The following HCRTR2 variants were observed in gnomAD, a reference collection of about 807,000 sequenced individuals.
The protein encoded by HCRTR2 is orexin receptor type 2.
A neutral mutation model predicts 49.0 loss-of-function variants in HCRTR2; 22 were observed. That is an observed-to-expected ratio of 0.45 (90% CI 0.32 to 0.64). HCRTR2 has a LOEUF of 0.64. Ranked by LOEUF, HCRTR2 falls within the 30% of genes least tolerant of loss-of-function variation. The pLI, the probability that HCRTR2 is intolerant of heterozygous loss-of-function variation, is 0.04. For synonymous variants in HCRTR2, 236 were observed against 205.3 expected, an observed-to-expected ratio of 1.15 and a Z score of -1.28; for missense variants, 491 against 559.4, an observed-to-expected ratio of 0.88 and a Z score of 1.23.
At chr6:55,160,541 A>C (rs1764791264) in intron 1 of HCRTR2, among the ~76,000 whole-genome samples, 2 of 152,212 alleles carry the variant, frequency 1.3e-5, no homozygotes, top group Admixed American at 1.3e-4. Context: ...ACAGACTGGC[A>C]AATTGGATAG....
At chr6:55,210,737 G>A (rs1010891978) in intron 1 of HCRTR2, among the ~76,000 whole-genome samples, 6 of 152,074 alleles carry the variant, frequency 3.9e-5, no homozygotes, top group African/African-American at 1.2e-4. Flanking sequence ...GCATCCTTAC[G>A]ACAAATTTCT....
At chr6:55,130,033 T>A (rs2127245405) in intron 1 of HCRTR2, among the ~76,000 whole-genome samples, 1 of 152,116 alleles carries the variant, frequency 6.6e-6, no homozygotes, top group African/African-American at 2.4e-5. Context: ...CTACTAATGT[T>A]TCAAACTCAT....
chr6:55,167,903 C>T (rs1281918675), intron 1 of HCRTR2, among the ~76,000 whole-genome samples: 1 of 152,100 alleles, frequency 6.6e-6, no homozygotes, highest in African/African-American at 2.4e-5. Context: ...AAATAGCACA[C>T]CCTACATAGA....
chr6:55,246,603 G>C (rs1028468976), intron 1 of HCRTR2, among the ~76,000 whole-genome samples: 6 of 151,990 alleles, frequency 3.9e-5, no homozygotes, highest in African/African-American at 1.4e-4. Context: ...TTCATTTTCT[G>C]CTTCAATCAA....
intron 2 of HCRTR2, among the ~76,000 whole-genome samples, chr6:55,253,162 A>C (rs1766585676): frequency 1.3e-5 from 2 of 151,818 alleles, no homozygotes; most frequent in African/African-American, 4.8e-5. Flanking sequence ...CATACTTGAT[A>C]AGAATCTTAT....
At chr6:55,151,211 C>A (rs1764660410) in intron 1 of HCRTR2, among the ~76,000 whole-genome samples, 1 of 151,882 alleles carries the variant, frequency 6.6e-6, no homozygotes, top group Non-Finnish European at 1.5e-5. Context: ...ACGAAGCTAG[C>A]CACATCGATT....
chr6:55,107,854 T>C (rs997422382), intron 1 of HCRTR2, among the ~76,000 whole-genome samples: 4 of 152,182 alleles, frequency 2.6e-5, no homozygotes, highest in South Asian at 2.1e-4. Context: ...AGTCAGCCTC[T>C]GGAAGTATGC....
intron 1 of HCRTR2, among the ~76,000 whole-genome samples, chr6:55,116,546 A>C (rs1764119260): frequency 6.6e-6 from 1 of 151,502 alleles, no homozygotes; most frequent in Admixed American, 6.6e-5. Context: ...AGGAGAGAAA[A>C]GAATCACCAA....
chr6:55,107,559 C>T (rs957765537), intron 1 of HCRTR2, among the ~76,000 whole-genome samples: 4 of 149,698 alleles, frequency 2.7e-5, no homozygotes, highest in Admixed American at 2.7e-4. Flanking sequence ...ACTATAGTTT[C>T]TCCTTGACCT....
chr6:55,176,650 G>A (rs1765044857), intron 1 of HCRTR2, among the ~76,000 whole-genome samples: 1 of 152,112 alleles, frequency 6.6e-6, no homozygotes, highest in Non-Finnish European at 1.5e-5. Flanking sequence ...GAAATAAAAT[G>A]ACGTATTAAG....
At chr6:55,175,938 G>T (rs1765032134) in intron 1 of HCRTR2, among the ~76,000 whole-genome samples, 1 of 152,170 alleles carries the variant, frequency 6.6e-6, no homozygotes, top group East Asian at 1.9e-4. Context: ...GGAGATGGAG[G>T]AGGCTAGGAG....
chr6:55,153,516 C>T (rs1764689691), intron 1 of HCRTR2, among the ~76,000 whole-genome samples: 1 of 151,980 alleles, frequency 6.6e-6, no homozygotes, highest in Non-Finnish European at 1.5e-5. Context: ...TCTCATGGAA[C>T]CATCATCATT....
chr6:55,240,896 C>T, intron 1 of HCRTR2: 2 of 226,332 alleles, frequency 8.8e-6, no homozygotes, highest in South Asian at 1.0e-4. Context: ...TGTTTTATTT[C>T]ACGTTCTCTT....
In HCRTR2 at chr6:55,137,702, T is replaced by C. The variant is rs904649998; in HGVS notation, c.-378+31157T>C. On this transcript the variant is annotated intron_variant, in intron 1 of 7. Transcript: ENST00000615358. ...AAATGTCCTTGCTCTGGTTCTTGAT[T>C]ATGCCATTCACTGAGCCTCAGGCTG... Among the ~76,000 whole-genome samples the C allele has an allele frequency of 3.9e-5, 6 of 152,148 alleles. No individual in the cohort carries two copies. The South Asian group carries it at 1.2e-3, about 32-fold the overall frequency.
intron 1 of HCRTR2, among the ~76,000 whole-genome samples, chr6:55,242,544 A>G (rs377751383): frequency 1.3e-5 from 2 of 152,366 alleles, no homozygotes; most frequent in African/African-American, 4.8e-5. Flanking sequence ...TGATATATTT[A>G]GTACAGATCC....
upstream of HCRTR2, among the ~76,000 whole-genome samples, chr6:55,169,536 T>C (rs1030341143): frequency 3.3e-5 from 5 of 151,868 alleles, no homozygotes; most frequent in Non-Finnish European, 5.9e-5. Flanking sequence ...TTTATAAATG[T>C]CTAGACCCCC....
At chr6:55,206,064 A>G (rs1322219069) in intron 1 of HCRTR2, among the ~76,000 whole-genome samples, 1 of 151,862 alleles carries the variant, frequency 6.6e-6, no homozygotes, top group Non-Finnish European at 1.5e-5. Flanking sequence ...TGTTGAAATC[A>G]TTCATTTTTT....
chr6:55,132,970 G>T (rs1219057548), intron 1 of HCRTR2, among the ~76,000 whole-genome samples: 2 of 151,704 alleles, frequency 1.3e-5, no homozygotes, highest in Non-Finnish European at 1.5e-5. Flanking sequence ...ATAAACTAGT[G>T]TTTTGTGCAG....
In HCRTR2 at chr6:55,230,970, C is replaced by T. The variant is rs1740529968; in HGVS notation, c.224-17669C>T. On this transcript the variant is annotated intron_variant, in intron 1 of 6. Transcript: ENST00000370862. ...AAGAAGTATCACATCTAATCTTTTC[C>T]ATAATTAGCCAAGTTAGTTGGTACT... Among the ~76,000 whole-genome samples the T allele has an allele frequency of 2.0e-5, 3 of 152,150 alleles. No homozygotes were observed. In the South Asian group the frequency reaches 6.2e-4, roughly 32 times the overall value.
Sources: gnomAD v4.1 joint callset for allele counts (sites outside exome capture counted in the v4.1 genomes callset) on GRCh38, gnomAD v4.1.1 for gene constraint, MANE v1.5 for transcripts, NCBI Gene and HGNC (gene_info 2026-07-23, HGNC 2026-07-21) for gene names.